The following PIK3CA variants were observed in gnomAD, a reference collection of about 807,000 sequenced individuals.
PIK3CA encodes the protein phosphatidylinositol-4,5-bisphosphate 3-kinase catalytic subunit alpha.
In PIK3CA, 27 loss-of-function variants were observed where a neutral mutation model predicts 138.2. That is an observed-to-expected ratio of 0.20 (90% confidence interval 0.14 to 0.27). The LOEUF is 0.27. PIK3CA is among the 10% of genes least tolerant of loss of function. The probability of loss-of-function intolerance (pLI) is 1.00; values close to 1 mark genes in which losing one functional copy is unlikely to be tolerated. For missense variants in PIK3CA, 544 were observed against 1,277.4 expected (o/e 0.43, Z 8.75); for synonymous variants, 358 against 413.2 (o/e 0.87, Z 1.62).
chr3:179,186,233 CTTAAT>C (rs925708472), intron 1 of PIK3CA, among the ~76,000 whole-genome samples: 3 of 152,180 alleles, frequency 2.0e-5, no homozygotes, highest in Non-Finnish European at 4.4e-5. Flanking sequence ...CATAGATGTT[CTTAAT>C]TTAATTAAGA....
intron 6 of PIK3CA, among the ~76,000 whole-genome samples, chr3:179,206,011 A>G (rs183630003): frequency 3.9e-5 from 6 of 151,986 alleles, no homozygotes; most frequent in Non-Finnish European, 1.5e-5. Context: ...TCCTCAGCCT[A>G]CCTAAACCAC....
chr3:179,199,575 C>CA, intron 2 of PIK3CA, 115 bp from the exon 3 acceptor site: 1 of 715,422 alleles, frequency 1.4e-6, no homozygotes, highest in Non-Finnish European at 2.2e-6. Context: ...CCTAGCGGTA[C>CA]TTTTTTTACT....
At chr3:179,225,115 G>GT (rs1323406427) in intron 16 of PIK3CA, among the ~76,000 whole-genome samples, 1 of 151,000 alleles carries the variant, frequency 6.6e-6, no homozygotes, top group Non-Finnish European at 1.5e-5. Flanking sequence ...AGTATTTTTT[G>GT]TTGTTGTTTT....
At chr3:179,225,875 G>T (rs1178590930) in intron 16 of PIK3CA, 87 bp from the exon 17 acceptor site, 6 of 677,978 alleles carry the variant, frequency 8.8e-6, no homozygotes, top group Admixed American at 8.5e-5. Flanking sequence ...AGCTGTATTT[G>T]TTTTTCATTT....
At chr3:179,205,481 A>T (rs1312476356) in intron 6 of PIK3CA, among the ~76,000 whole-genome samples, 2 of 152,216 alleles carry the variant, frequency 1.3e-5, no homozygotes, top group Admixed American at 1.3e-4. Flanking sequence ...CTCCATCATC[A>T]TTCACATGAA....
At chr3:179,212,599 G>A (rs189995169) in intron 9 of PIK3CA, among the ~76,000 whole-genome samples, 47 of 151,758 alleles carry the variant, frequency 3.1e-4, no homozygotes, top group African/African-American at 7.7e-4. Flanking sequence ...GTGAGACTCC[G>A]TCTCAAAAAA....
At chr3:179,158,655 C>T (rs1723198794) in intron 1 of PIK3CA, among the ~76,000 whole-genome samples, 1 of 151,968 alleles carries the variant, frequency 6.6e-6, no homozygotes, top group African/African-American at 2.4e-5. Flanking sequence ...TAATATTAAA[C>T]TCTTTTGCAT....
chr3:179,180,667 T>G (rs1156499011), intron 1 of PIK3CA, among the ~76,000 whole-genome samples: 2 of 152,130 alleles, frequency 1.3e-5, no homozygotes, highest in Non-Finnish European at 2.9e-5. Context: ...AAAGTGGTGA[T>G]GTCATGAAGA....
intron 1 of PIK3CA, among the ~76,000 whole-genome samples, chr3:179,151,474 C>A (rs1286807965): frequency 6.6e-6 from 1 of 152,156 alleles, no homozygotes; most frequent in Non-Finnish European, 1.5e-5. Context: ...GTTTTCAATC[C>A]TGGCTACACA....
chr3:179,207,165 A>T (rs1724583985), intron 6 of PIK3CA, among the ~76,000 whole-genome samples: 1 of 152,188 alleles, frequency 6.6e-6, no homozygotes, highest in African/African-American at 2.4e-5. Context: ...AGATTTTAAA[A>T]ATTCTTACTA....
chr3:179,214,434 C>T (rs1395873805), intron 9 of PIK3CA, among the ~76,000 whole-genome samples: 1 of 152,000 alleles, frequency 6.6e-6, no homozygotes, highest in East Asian at 1.9e-4. Context: ...AAAGGTTGGT[C>T]GGTGAAGAAG....
intron 6 of PIK3CA, among the ~76,000 whole-genome samples, chr3:179,205,308 A>G (rs1724531209): frequency 6.6e-6 from 1 of 152,184 alleles, no homozygotes; most frequent in African/African-American, 2.4e-5. Flanking sequence ...TCAAATGAGT[A>G]TCAGTCACAG....
rs1576930589 is a variant in PIK3CA, at chr3:179,195,993, A to G, written c.-76-2757A>G. Among the ~76,000 whole-genome samples the G allele has an allele frequency of 5.3e-5, 8 of 152,356 alleles. No homozygotes were observed. The South Asian group carries it at 1.7e-3, about 32-fold the overall frequency. On this transcript the variant is annotated intron_variant, in intron 1 of 20. Transcript: ENST00000263967. ...AACCAGTGCCTGCCTTCCAGGATCAACAAGTGTTTTATTACCATAATCACA... is the reference window on the plus strand; with the variant it reads ...AACCAGTGCCTGCCTTCCAGGATCAGCAAGTGTTTTATTACCATAATCACA...
intron 9 of PIK3CA, among the ~76,000 whole-genome samples, chr3:179,216,701 G>A (rs955314512): frequency 3.3e-5 from 5 of 151,812 alleles, no homozygotes; most frequent in African/African-American, 1.2e-4. Flanking sequence ...TTCAAAACCA[G>A]GAAAATGTAG....
intron 1 of PIK3CA, among the ~76,000 whole-genome samples, chr3:179,184,567 AAAT>A (rs1388729380): frequency 1.3e-5 from 2 of 152,228 alleles, no homozygotes; most frequent in Non-Finnish European, 2.9e-5. Flanking sequence ...TCAAAAATGA[AAAT>A]AATAGTCCAA....
intron 1 of PIK3CA, among the ~76,000 whole-genome samples, chr3:179,182,626 G>A (rs998759422): frequency 3.3e-5 from 5 of 152,006 alleles, no homozygotes; most frequent in South Asian, 2.1e-4. Context: ...AGCCGTGTTC[G>A]TAGCACTGTA....
intron 1 of PIK3CA, among the ~76,000 whole-genome samples, chr3:179,166,615 T>G (rs1723427288): frequency 6.6e-6 from 1 of 152,236 alleles, no homozygotes. Flanking sequence ...TTATAGTGCC[T>G]TATGGGATGT....
At chr3:179,157,482 A>G (rs1189834334) in intron 1 of PIK3CA, among the ~76,000 whole-genome samples, 1 of 152,164 alleles carries the variant, frequency 6.6e-6, no homozygotes, top group Non-Finnish European at 1.5e-5. Flanking sequence ...TCTTAGTGAT[A>G]TTATGAGACT....
intron 1 of PIK3CA, among the ~76,000 whole-genome samples, chr3:179,196,985 A>G (rs930217043): frequency 6.6e-6 from 1 of 151,992 alleles, no homozygotes; most frequent in Non-Finnish European, 1.5e-5. Flanking sequence ...GGAGTCAGGG[A>G]TGGCAGGTTT....
Sources: allele counts gnomAD v4.1 joint callset (sites outside exome capture counted in the v4.1 genomes callset), GRCh38; gene constraint gnomAD v4.1.1; transcripts MANE v1.5; gene names NCBI Gene and HGNC (gene_info 2026-07-23, HGNC 2026-07-21).